DCLK2: variants seen among roughly 807,000 people sequenced by gnomAD.
The protein encoded by DCLK2 is serine/threonine-protein kinase DCLK2.
In DCLK2, 31 loss-of-function variants were observed where a neutral mutation model predicts 78.4. The observed-to-expected ratio is 0.40, with a 90% CI of 0.30 to 0.53. The LOEUF is 0.53. Among genes scored for constraint, DCLK2 ranks in the 20% least tolerant of loss-of-function variants. The pLI is 0.61. For synonymous variants in DCLK2, 407 were observed against 374.9 expected (o/e 1.09, Z -0.99); for missense variants, 872 against 973.7 (o/e 0.90, Z 1.39).
intron 2 of DCLK2, among the ~76,000 whole-genome samples, chr4:150,128,410 AG>A (rs1733067807): frequency 6.6e-6 from 1 of 152,170 alleles, no homozygotes; most frequent in Non-Finnish European, 1.5e-5. Flanking sequence ...GGCAAGGACA[AG>A]ATTATGTAGC....
At chr4:150,112,915 A>G in intron 2 of DCLK2, among the ~76,000 whole-genome samples, 1 of 147,828 alleles carries the variant, frequency 6.8e-6, no homozygotes, top group South Asian at 2.1e-4. Context: ...GGTTCAAGAG[A>G]TTCTCGTGCC....
At chr4:150,101,396 A>T (rs1730881600) in intron 1 of DCLK2, among the ~76,000 whole-genome samples, 1 of 152,132 alleles carries the variant, frequency 6.6e-6, no homozygotes, top group Non-Finnish European at 1.5e-5. Context: ...TATAATATGG[A>T]TATTAATAGG....
chr4:150,151,471 G>GAA (rs1734891876), intron 2 of DCLK2, among the ~76,000 whole-genome samples: 1 of 152,206 alleles, frequency 6.6e-6, no homozygotes, highest in South Asian at 2.1e-4. Flanking sequence ...GCATTTCTCT[G>GAA]AAGATAAGGA....
At chr4:150,131,381 T>A (rs1194416777) in intron 2 of DCLK2, among the ~76,000 whole-genome samples, 1 of 152,156 alleles carries the variant, frequency 6.6e-6, no homozygotes, top group African/African-American at 2.4e-5. Flanking sequence ...GGGAGGTTTT[T>A]AAAAAAGTAG....
At chr4:150,168,900 C>G (rs1736301199) in intron 2 of DCLK2, among the ~76,000 whole-genome samples, 2 of 152,168 alleles carry the variant, frequency 1.3e-5, no homozygotes, top group Non-Finnish European at 2.9e-5. Flanking sequence ...TCTTGCTTTT[C>G]AATATCAAGT....
intron 5 of DCLK2, among the ~76,000 whole-genome samples, chr4:150,205,659 A>G (rs528408758): frequency 2.0e-5 from 3 of 152,334 alleles, no homozygotes; most frequent in East Asian, 1.9e-4. Flanking sequence ...TTTTTCTCCT[A>G]TTTTCCCTGG....
chr4:150,253,640 C>T (rs536946969), intron 15 of DCLK2: 1 of 1,274,704 alleles, frequency 7.8e-7, no homozygotes, highest in East Asian at 5.6e-5. Context: ...TCTGATGCCG[C>T]CGTCCGGCTC....
intron 7 of DCLK2, 100 bp from the exon 8 acceptor site, chr4:150,224,401 C>G (rs1472582465): frequency 7.4e-6 from 8 of 1,082,852 alleles, no homozygotes; most frequent in Admixed American, 2.7e-5. Context: ...GATCTCATCT[C>G]TACAAAAAAA....
intron 15 of DCLK2, among the ~76,000 whole-genome samples, chr4:150,254,174 A>T (rs1337654357): frequency 6.6e-6 from 1 of 152,210 alleles, no homozygotes; most frequent in Non-Finnish European, 1.5e-5. Context: ...GAATGCCGAG[A>T]AGCCGCCGTC....
Position 150,086,402 on chromosome 4 carries a change from A to G in DCLK2, c.421+6954A>G, listed in dbSNP as rs574153013. 3.3e-5 allele frequency among the ~76,000 whole-genome samples: 5 copies of G among 152,320 alleles called. No homozygotes were observed. In the South Asian group the frequency reaches 8.3e-4, roughly 25 times the overall value. ...TATTTTTCTTCAAGAAAAATGATGC[A>G]GTATATTTATGTCCCAAGAAGTTAT... On this transcript the variant is annotated intron_variant, in intron 1 of 15. Transcript: ENST00000296550.
At position 150,249,671 on chromosome 4, in the gene DCLK2, T is replaced by G; in HGVS notation, c.2060T>G (p.Val687Gly). The G allele has an allele frequency of 6.2e-7, 1 of 1,613,320 alleles. No homozygotes were observed. Among genetic ancestry groups the G allele is most frequent in the Non-Finnish European group, 8.5e-7 (1 of 1,179,852 alleles). ...AAACAGAACAGCACTACCACCGGGG[T>G]CTCCGTCATCATGGTGAGTGGAAGG... The part of the protein sequence containing the change: ...LPKQNSTTTG[V>G]SVIMNTALDK... The change falls in exon 15 of 16, where the codon GTC becomes GGC. Residue 687 changes from valine to glycine, a missense_variant. Coordinates refer to ENST00000296550, the MANE Select transcript of DCLK2 (RefSeq NM_001040260.4).
chr4:150,152,121 G>T (rs1037812385), intron 2 of DCLK2, among the ~76,000 whole-genome samples: 1 of 152,136 alleles, frequency 6.6e-6, no homozygotes, highest in African/African-American at 2.4e-5. Context: ...TACATTGATT[G>T]TATAAGAACC....
chr4:150,250,808 G>C (rs749526796), intron 15 of DCLK2, among the ~76,000 whole-genome samples: 1 of 150,296 alleles, frequency 6.7e-6, no homozygotes, highest in Non-Finnish European at 1.5e-5. Context: ...CTAGGAAGAC[G>C]CAGGGTCTAG....
At chr4:150,168,155 A>G (rs536263109) in intron 2 of DCLK2, among the ~76,000 whole-genome samples, 1 of 152,286 alleles carries the variant, frequency 6.6e-6, no homozygotes, top group Admixed American at 6.5e-5. Flanking sequence ...CATCCTGGCT[A>G]ACACAGTGAA....
chr4:150,169,038 T>G (rs1404300102), intron 2 of DCLK2, among the ~76,000 whole-genome samples: 5 of 151,750 alleles, frequency 3.3e-5, no homozygotes, highest in Non-Finnish European at 7.4e-5. Flanking sequence ...GAAGCCAAAG[T>G]GCACCCCCTC....
rs547305982 is a variant in DCLK2, at chr4:150,232,841, T to C, written c.1566+13T>C. 5 of 1,605,444 alleles carry C rather than the reference T, an allele frequency of 3.1e-6. No individual in the cohort carries two copies. The highest frequency in any genetic ancestry group is 4.3e-6 in the Non-Finnish European group (5 of 1,174,982). On this transcript the variant is annotated intron_variant, in intron 10 of 15. Transcript: ENST00000296550. ...AGAGAATCTCTTGGTATGTCATCCC[T>C]GCTTTTTCTGTTCCAATGAATGCCT...
intron 2 of DCLK2, among the ~76,000 whole-genome samples, chr4:150,112,933 C>A (rs1219568773): frequency 6.6e-6 from 1 of 150,896 alleles, no homozygotes; most frequent in East Asian, 2.0e-4. Context: ...GCCTCAGCCT[C>A]CCAAGTAGCT....
Position 150,240,423 on chromosome 4 carries a change from G to A in DCLK2, c.1725G>A (p.Trp575Ter). The change falls in exon 12 of 16, where the codon TGG becomes TGA. Residue 575 changes from tryptophan (W) to a stop codon, truncating the protein, a stop_gained. Transcript: ENST00000296550. LOFTEE classifies it high-confidence loss of function. ...GCTATGGCCTGAAGGTGGACATTTGGGCAGCTGGTGTGATCACATACATAC... is the reference window on the plus strand; with the variant it reads ...GCTATGGCCTGAAGGTGGACATTTGAGCAGCTGGTGTGATCACATACATAC... The part of the protein sequence containing the change: ...ETGYGLKVDI[W>*]AAGVITYILL... 2 of 1,613,814 alleles carry A rather than the reference G, an allele frequency of 1.2e-6. No homozygotes were observed. Among genetic ancestry groups the A allele is most frequent in the Non-Finnish European group, 1.7e-6 (2 of 1,179,854 alleles).
intron 5 of DCLK2, among the ~76,000 whole-genome samples, chr4:150,219,240 C>G (rs1560880905): frequency 7.2e-6 from 1 of 138,474 alleles, no homozygotes; most frequent in Non-Finnish European, 1.6e-5. Flanking sequence ...CATTTACATT[C>G]AACAGTTCAC....
Sources: allele counts gnomAD v4.1 joint callset (sites outside exome capture counted in the v4.1 genomes callset), GRCh38; gene constraint gnomAD v4.1.1; transcripts MANE v1.5; gene names NCBI Gene and HGNC (gene_info 2026-07-23, HGNC 2026-07-21).